Variants in SLIT2 observed in about 807,000 individuals in gnomAD.
The protein encoded by SLIT2 is slit guidance ligand 2.
A neutral mutation model predicts 185.7 loss-of-function variants in SLIT2; 41 were observed. The ratio of observed to expected loss-of-function variants is 0.22; its 90% CI spans 0.17 to 0.29. SLIT2 has a LOEUF of 0.29. Among genes scored for constraint, SLIT2 ranks in the 10% least tolerant of loss-of-function variants. The pLI, the probability that SLIT2 is intolerant of heterozygous loss-of-function variation, is 1.00. For missense variants in SLIT2, 1,571 were observed against 1,909.0 expected (o/e 0.82, Z 3.30); for synonymous variants, 693 against 680.2 (o/e 1.02, Z -0.29).
chr4:20,277,854 G>T (rs192479006), intron 4 of SLIT2, among the ~76,000 whole-genome samples: 30 of 151,148 alleles, frequency 2.0e-4, no homozygotes, highest in African/African-American at 6.5e-4. Context: ...ATAACTAAAA[G>T]ATTAGACGTC....
chr4:20,328,465 G>C (rs1277684632), intron 4 of SLIT2, among the ~76,000 whole-genome samples: 1 of 151,872 alleles, frequency 6.6e-6, no homozygotes, highest in Non-Finnish European at 1.5e-5. Context: ...TTTGCTATAA[G>C]GTTCAAAAAT....
chr4:20,256,566 C>G (rs1032743688), intron 1 of SLIT2, 106 bp from the exon 2 acceptor site: 9 of 615,564 alleles, frequency 1.5e-5, no homozygotes, highest in African/African-American at 1.3e-4. Context: ...TTGTATACTA[C>G]TTTAGTAATT....
intron 4 of SLIT2, among the ~76,000 whole-genome samples, chr4:20,445,226 T>C (rs544165611): frequency 1.4e-4 from 21 of 152,372 alleles, no homozygotes; most frequent in African/African-American, 4.6e-4. Context: ...TAATTGAATG[T>C]GCTTGCAGAC....
intron 26 of SLIT2, among the ~76,000 whole-genome samples, chr4:20,560,624 A>G (rs905917091): frequency 6.6e-6 from 1 of 151,998 alleles, no homozygotes; most frequent in Admixed American, 6.6e-5. Flanking sequence ...AAAGTGGAAC[A>G]TTGTTAATTT....
rs890554419 is a variant in SLIT2 at position 20,529,504 on chromosome 4, T to G, written c.1613+405T>G. Among the ~76,000 whole-genome samples, 5 of 152,300 alleles carry G rather than the reference T, an allele frequency of 3.3e-5. No individual in the cohort carries two copies. The East Asian group carries it at 9.6e-4, about 29-fold the overall frequency. ...TCAATCTCTGTAAACTATCAATAGA[T>G]TCAAGGAGTCTGTCTTACCTAATTT... On this transcript the variant is annotated intron_variant, in intron 16 of 36. Transcript: ENST00000504154.
At chr4:20,378,071 A>G (rs760505631) in intron 4 of SLIT2, among the ~76,000 whole-genome samples, 1 of 152,134 alleles carries the variant, frequency 6.6e-6, no homozygotes, top group Non-Finnish European at 1.5e-5. Context: ...TTATACTGAG[A>G]TGCAGAGATT....
intron 33 of SLIT2, among the ~76,000 whole-genome samples, chr4:20,600,142 AT>A (rs944388967): frequency 6.6e-6 from 1 of 151,752 alleles, no homozygotes; most frequent in African/African-American, 2.4e-5. Flanking sequence ...TTTGTGGTTC[AT>A]TTTTTTTAAT....
At chr4:20,315,636 A>G (rs1718508657) in intron 4 of SLIT2, among the ~76,000 whole-genome samples, 1 of 152,102 alleles carries the variant, frequency 6.6e-6, no homozygotes, top group African/African-American at 2.4e-5. Context: ...TAAAATTATC[A>G]GAAAGGAAAA....
At chr4:20,407,717 A>G (rs2109417996) in intron 4 of SLIT2, among the ~76,000 whole-genome samples, 1 of 152,296 alleles carries the variant, frequency 6.6e-6, no homozygotes, top group Non-Finnish European at 1.5e-5. Context: ...AGCTAAATGG[A>G]AGTGATTTCA....
intron 3 of SLIT2, among the ~76,000 whole-genome samples, chr4:20,265,891 A>C (rs74908554): frequency 6.6e-6 from 1 of 152,036 alleles, no homozygotes; most frequent in Non-Finnish European, 1.5e-5. Context: ...TGTTTAGACT[A>C]TATTTTTTCC....
chr4:20,521,319 T>C lies in SLIT2; in HGVS notation c.1130+1866T>C, dbSNP rs556212857. ...GGAAAGAACGGCATGATTATCTCTT[T>C]ACAGCTAGCTGAGAACTTGGTAAAA... On this transcript the variant is annotated intron_variant, in intron 12 of 36. Coordinates refer to ENST00000504154, the MANE Select transcript of SLIT2 (RefSeq NM_004787.4). Among the ~76,000 whole-genome samples, 51 of 152,338 alleles carry C rather than the reference T, an allele frequency of 3.3e-4. 1 individual carries two copies. The highest frequency in any genetic ancestry group is 1.1e-3 in the African/African-American group (46 of 41,580).
chr4:20,539,298 T>C, intron 18 of SLIT2, 143 bp from the exon 19 acceptor site: 1 of 660,022 alleles, frequency 1.5e-6, no homozygotes, highest in Admixed American at 3.2e-5. Flanking sequence ...TATATATTCA[T>C]AGCAATATCT....
intron 5 of SLIT2, among the ~76,000 whole-genome samples, chr4:20,470,968 A>T (rs552749009): frequency 2.6e-5 from 4 of 152,238 alleles, no homozygotes; most frequent in Non-Finnish European, 4.4e-5. Flanking sequence ...CATCTACATT[A>T]TTTCAACTTT....
intron 4 of SLIT2, among the ~76,000 whole-genome samples, chr4:20,385,020 C>G (rs1296765890): frequency 3.3e-5 from 5 of 152,096 alleles, no homozygotes; most frequent in Non-Finnish European, 5.9e-5. Context: ...TCTGCTTTTC[C>G]TGCTCCTACT....
At chr4:20,444,034 C>G (rs1729968214) in intron 4 of SLIT2, among the ~76,000 whole-genome samples, 1 of 152,074 alleles carries the variant, frequency 6.6e-6, no homozygotes, top group Admixed American at 6.6e-5. Context: ...AATATGCACT[C>G]AAAGGATGTT....
In SLIT2 at chr4:20,256,755, C is replaced by T. The variant is rs369107751; in HGVS notation, c.251+12C>T. ...CATCTAAGAGTTCTGTAAGTGCATC[C>T]TCTGTATTTTTAAATAATTTTTTAA... On this transcript the variant is annotated intron_variant, in intron 2 of 36. Transcript: ENST00000504154. 1.5e-6 allele frequency: 2 copies of T among 1,351,626 alleles called. No homozygotes were observed. Among genetic ancestry groups the T allele is most frequent in the Non-Finnish European group, 1.0e-6 (1 of 967,184 alleles). The allele number at this position is 1,351,626 out of a possible 1,614,324, so 83.7% of individuals were successfully genotyped here.
At chr4:20,590,590 A>G (rs1046833564) in intron 30 of SLIT2, among the ~76,000 whole-genome samples, 1 of 152,206 alleles carries the variant, frequency 6.6e-6, no homozygotes, top group Non-Finnish European at 1.5e-5. Context: ...GGGGTGACAA[A>G]GCATTATAAT....
chr4:20,429,373 T>C (rs1425108543), intron 4 of SLIT2, among the ~76,000 whole-genome samples: 2 of 152,174 alleles, frequency 1.3e-5, no homozygotes, highest in East Asian at 1.9e-4. Context: ...ACACTGTCTT[T>C]TCTAACGGTA....
At chr4:20,399,031 G>A (rs1277243440) in intron 4 of SLIT2, among the ~76,000 whole-genome samples, 1 of 151,558 alleles carries the variant, frequency 6.6e-6, no homozygotes, top group Non-Finnish European at 1.5e-5. Flanking sequence ...ACAAGTGTAC[G>A]ATGATACAAG....
Sources: gnomAD v4.1 joint callset for allele counts (sites outside exome capture counted in the v4.1 genomes callset) on GRCh38, gnomAD v4.1.1 for gene constraint, MANE v1.5 for transcripts, NCBI Gene and HGNC (gene_info 2026-07-23, HGNC 2026-07-21) for gene names.